The following CNBD1 variants were observed in gnomAD, a reference collection of about 807,000 sequenced individuals.
The protein encoded by CNBD1 is cyclic nucleotide-binding domain-containing protein 1.
In CNBD1, 71 loss-of-function variants were observed where a neutral mutation model predicts 54.4. That is an observed-to-expected ratio of 1.30 (90% confidence interval 1.08 to 1.59). CNBD1 has a LOEUF of 1.59. Ranked by LOEUF, CNBD1 falls within the 40% of genes most tolerant of loss-of-function variation. The pLI, the probability that CNBD1 is intolerant of heterozygous loss-of-function variation, is 0.00. For missense variants in CNBD1, 659 were observed against 518.0 expected (o/e 1.27, Z -2.64); for synonymous variants, 182 against 170.7 (o/e 1.07, Z -0.51).
rs763599440 is a variant in CNBD1 at position 87,241,488 on chromosome 8, C to G, written c.771+4376C>G. Among the ~76,000 whole-genome samples the G allele has an allele frequency of 7.2e-4, 109 of 151,788 alleles. 1 individual carries two copies. Among genetic ancestry groups the G allele is most frequent in the Non-Finnish European group, 1.0e-3 (69 of 67,894 alleles). ...GGGGTTTCACCGTGTTAGCCAGGAT[C>G]GTCTTGATCTCCTGACCTCGTGATC... is the stretch of plus-strand genomic sequence containing the variant. On this transcript the variant is annotated intron_variant, in intron 6 of 10. Transcript: ENST00000518476.
At chr8:87,053,581 C>G (rs1407223236) in intron 4 of CNBD1, among the ~76,000 whole-genome samples, 2 of 152,186 alleles carry the variant, frequency 1.3e-5, no homozygotes, top group Non-Finnish European at 2.9e-5. Context: ...GTCCTGGTAA[C>G]CTTTGTAGAT....
chr8:87,304,238 A>C (rs79406918), intron 8 of CNBD1, among the ~76,000 whole-genome samples: 1 of 151,060 alleles, frequency 6.6e-6, no homozygotes, highest in Non-Finnish European at 1.5e-5. Flanking sequence ...AACAAACCCA[A>C]ATGTCCAACA....
rs528672822 is a variant in CNBD1, at chr8:87,239,265, T to C, written c.771+2153T>C. ...GTATATGATTACTGATAAACTTATT[T>C]CACATTGCTAAAAATTTAAAGTATC... On this transcript the variant is annotated intron_variant, in intron 6 of 10. Coordinates refer to ENST00000518476, the MANE Select transcript of CNBD1 (RefSeq NM_173538.3). Among the ~76,000 whole-genome samples, 3 of 152,330 alleles carry C rather than the reference T, an allele frequency of 2.0e-5. No homozygotes were observed. In the South Asian group the frequency reaches 6.2e-4, roughly 32 times the overall value.
At chr8:87,352,798 T>A (rs1004269228) in intron 9 of CNBD1, among the ~76,000 whole-genome samples, 1 of 152,202 alleles carries the variant, frequency 6.6e-6, no homozygotes, top group Admixed American at 6.5e-5. Flanking sequence ...GGAATTCAAT[T>A]AAATATCTAA....
chr8:87,115,707 A>T (rs1244290020), intron 4 of CNBD1, among the ~76,000 whole-genome samples: 1 of 152,172 alleles, frequency 6.6e-6, no homozygotes, highest in Non-Finnish European at 1.5e-5. Context: ...AAAAGATGGT[A>T]TGATAAGAGC....
intron 5 of CNBD1, among the ~76,000 whole-genome samples, chr8:87,230,362 G>A (rs1451597682): frequency 1.3e-5 from 2 of 152,052 alleles, no homozygotes; most frequent in Non-Finnish European, 2.9e-5. Context: ...CATTGAGGTT[G>A]TTTATAAAAT....
intron 4 of CNBD1, among the ~76,000 whole-genome samples, chr8:87,193,132 T>A (rs1347388457): frequency 1.3e-5 from 2 of 152,104 alleles, no homozygotes; most frequent in Non-Finnish European, 2.9e-5. Flanking sequence ...TAACAAGAAG[T>A]GATTGAGAGA....
Position 86,866,463 on chromosome 8 carries a change from C to T in CNBD1, c.-33C>T, listed in dbSNP as rs1467812961. The T allele has an allele frequency of 6.5e-7, 1 of 1,542,982 alleles. No individual in the cohort carries two copies. Among genetic ancestry groups the T allele is most frequent in the East Asian group, 2.3e-5 (1 of 43,996 alleles). ...AGTGATCATTTGCCTCTCAAGCAGC[C>T]TCTGGTCATCTATCTGCCTTTGAGC... On this transcript the variant is annotated 5_prime_UTR_variant, in exon 1 of 11. Transcript: ENST00000518476.
intron 6 of CNBD1, among the ~76,000 whole-genome samples, chr8:87,270,719 G>T (rs1208216900): frequency 6.6e-6 from 1 of 151,418 alleles, no homozygotes; most frequent in Non-Finnish European, 1.5e-5. Flanking sequence ...TTATTTTTTT[G>T]GCTGTGTCCT....
intron 8 of CNBD1, among the ~76,000 whole-genome samples, chr8:87,348,111 G>A (rs1586035106): frequency 6.6e-6 from 1 of 152,002 alleles, no homozygotes; most frequent in East Asian, 1.9e-4. Flanking sequence ...GGGATATTTT[G>A]TGTATAGTAT....
intron 2 of CNBD1, among the ~76,000 whole-genome samples, chr8:87,426,883 C>G (rs972494534): frequency 3.3e-5 from 5 of 152,136 alleles, no homozygotes; most frequent in African/African-American, 1.2e-4. Context: ...TACCCTTAAT[C>G]TAATATAAAC....
chr8:87,060,671 A>C (rs1000411863), intron 4 of CNBD1, among the ~76,000 whole-genome samples: 1 of 152,172 alleles, frequency 6.6e-6, no homozygotes, highest in Non-Finnish European at 1.5e-5. Flanking sequence ...GAGTGATAAA[A>C]ATAGGTCAGA....
chr8:86,879,737 T>C (rs1157548606), intron 1 of CNBD1, among the ~76,000 whole-genome samples: 2 of 151,948 alleles, frequency 1.3e-5, no homozygotes, highest in Non-Finnish European at 2.9e-5. Flanking sequence ...CTGGACATGG[T>C]GGCGGGCGCC....
At position 86,920,759 on chromosome 8, in the gene CNBD1, C is replaced by T. The variant is rs139292382; in HGVS notation, c.272+15565C>T. Among the ~76,000 whole-genome samples the T allele has an allele frequency of 2.0e-3, 309 of 152,190 alleles. 1 individual carries two copies. The highest frequency in any genetic ancestry group is 6.0e-3 in the African/African-American group (248 of 41,530). Reference sequence around the variant, plus strand: ...GTTTGGATTTTAGATTCTAAAGAGGCTAGGACATCCCAATTGCTCGAATTA... The same window carrying T: ...GTTTGGATTTTAGATTCTAAAGAGGTTAGGACATCCCAATTGCTCGAATTA... On this transcript the variant is annotated intron_variant, in intron 3 of 10. Coordinates refer to ENST00000518476, the MANE Select transcript of CNBD1 (RefSeq NM_173538.3).
chr8:86,921,065 T>C (rs1438279139), intron 3 of CNBD1, among the ~76,000 whole-genome samples: 1 of 152,166 alleles, frequency 6.6e-6, no homozygotes, highest in Non-Finnish European at 1.5e-5. Context: ...AAAAAATCTC[T>C]GCAAAATTGC....
At chr8:87,288,231 T>G (rs1808731124) in intron 8 of CNBD1, among the ~76,000 whole-genome samples, 1 of 152,078 alleles carries the variant, frequency 6.6e-6, no homozygotes, top group South Asian at 2.1e-4. Context: ...AGCATATTAA[T>G]TCTTATAATA....
chr8:86,979,779 T>C (rs1478353457), intron 4 of CNBD1, among the ~76,000 whole-genome samples: 1 of 152,206 alleles, frequency 6.6e-6, no homozygotes, highest in Non-Finnish European at 1.5e-5. Flanking sequence ...TGTCAAAGGC[T>C]ACCTGTGATC....
intron 8 of CNBD1, among the ~76,000 whole-genome samples, chr8:87,292,045 G>T (rs1482356302): frequency 6.6e-6 from 1 of 152,080 alleles, no homozygotes; most frequent in Non-Finnish European, 1.5e-5. Context: ...CAGTACATCT[G>T]GGTTGTATTA....
At chr8:87,413,894 A>G (rs1807792061) in intron 2 of CNBD1, among the ~76,000 whole-genome samples, 1 of 151,122 alleles carries the variant, frequency 6.6e-6, no homozygotes, top group Non-Finnish European at 1.5e-5. Flanking sequence ...GAGGATGTGG[A>G]GAAATAGGAA....
Sources: allele counts gnomAD v4.1 joint callset (sites outside exome capture counted in the v4.1 genomes callset), GRCh38; gene constraint gnomAD v4.1.1; transcripts MANE v1.5; gene names NCBI Gene and HGNC (gene_info 2026-07-23, HGNC 2026-07-21).